The following KALRN variants were observed in gnomAD, a reference collection of about 807,000 sequenced individuals.
KALRN encodes the protein kalirin RhoGEF kinase.
In KALRN, 70 loss-of-function variants were observed where a neutral mutation model predicts 353.7. The ratio of observed to expected loss-of-function variants is 0.20; its 90% CI spans 0.16 to 0.24. KALRN has a LOEUF of 0.24. KALRN is among the 10% of genes least tolerant of loss of function. KALRN has a pLI of 1.00. For missense variants in KALRN, 2,791 were observed against 3,756.7 expected, an observed-to-expected ratio of 0.74 and a Z score of 6.72; for synonymous variants, 1,391 against 1,434.8, an observed-to-expected ratio of 0.97 and a Z score of 0.69.
rs2150225172 is a variant in KALRN at position 124,660,899 on chromosome 3, T to C, written c.6217-24T>C. On this transcript the variant is annotated intron_variant, in intron 43 of 59. Coordinates refer to ENST00000682506, the MANE Select transcript of KALRN (RefSeq NM_001388419.1). ...ACTAATTTTACCCCTTCCCACACTCTTGCCTGCTTCCCCTACTTGTTAGGA... is the reference window on the plus strand; with the variant it reads ...ACTAATTTTACCCCTTCCCACACTCCTGCCTGCTTCCCCTACTTGTTAGGA... 5 of 1,581,288 alleles carry C rather than the reference T, an allele frequency of 3.2e-6. No homozygotes were observed. The East Asian group carries it at 1.1e-4, about 35-fold the overall frequency.
At chr3:124,640,995 C>T (rs62265580) in intron 37 of KALRN, among the ~76,000 whole-genome samples, 25,640 of 152,106 alleles carry the variant, frequency 0.17, 2,573 homozygotes, top group Middle Eastern at 0.29. Context: ...AGCCGCGGCA[C>T]GGAATTCTGC....
At chr3:124,632,317 C>A in intron 34 of KALRN, 103 bp from the exon 35 acceptor site, 1 of 1,156,918 alleles carries the variant, frequency 8.6e-7, no homozygotes, top group Non-Finnish European at 1.3e-6. Context: ...CCTGGACATT[C>A]TGCCTTGTGT....
At chr3:124,304,778 A>T (rs894948802) in intron 6 of KALRN, among the ~76,000 whole-genome samples, 2 of 152,188 alleles carry the variant, frequency 1.3e-5, no homozygotes, top group African/African-American at 4.8e-5. Context: ...GAAAGCTTCA[A>T]CCAAGAACAC....
chr3:124,576,818 C>T (rs2074146992), intron 34 of KALRN, among the ~76,000 whole-genome samples: 1 of 152,176 alleles, frequency 6.6e-6, no homozygotes, highest in Non-Finnish European at 1.5e-5. Flanking sequence ...ACATAGTGGA[C>T]ACTTAGCAAT....
At chr3:124,454,658 A>G (rs6793326) in intron 21 of KALRN, among the ~76,000 whole-genome samples, 149,824 of 152,244 alleles carry the variant, frequency 0.98, 73,730 homozygotes, top group East Asian at 1. Context: ...TCAACCAACC[A>G]TGAACTGAAA....
rs1239547410 is a variant in KALRN, at chr3:124,434,609, A to T, written c.3048+84A>T. The stretch of plus-strand genomic sequence containing the variant: ...CTTGCAGTGTAAATGTGCAGTGCTT[A>T]TGTCAGCGAGAAGCCTGTCCTTTCA... On this transcript the variant is annotated intron_variant, in intron 17 of 59. Coordinates refer to ENST00000682506, the MANE Select transcript of KALRN (RefSeq NM_001388419.1). 5.7e-6 allele frequency: 7 copies of T among 1,228,490 alleles called. No individual in the cohort carries two copies. In the Admixed American group the frequency reaches 1.4e-4, roughly 24 times the overall value. The allele number at this position is 1,228,490 out of a possible 1,614,324, so 76.1% of individuals were successfully genotyped here.
chr3:124,478,492 G>A (rs1362197703), intron 27 of KALRN, among the ~76,000 whole-genome samples: 1 of 152,130 alleles, frequency 6.6e-6, no homozygotes, highest in African/African-American at 2.4e-5. Flanking sequence ...ACACTTGAAT[G>A]GAAGGAAGCC....
At chr3:124,509,529 A>C (rs530772309) in intron 33 of KALRN, among the ~76,000 whole-genome samples, 28 of 152,336 alleles carry the variant, frequency 1.8e-4, no homozygotes, top group African/African-American at 6.7e-4. Flanking sequence ...TTTAGGGTAC[A>C]GTTCACCATT....
At chr3:124,538,924 T>A (rs2068762034) in intron 33 of KALRN, among the ~76,000 whole-genome samples, 1 of 152,252 alleles carries the variant, frequency 6.6e-6, no homozygotes, top group Admixed American at 6.5e-5. Flanking sequence ...CCAAGATCAC[T>A]GTCCACATAG....
intron 25 of KALRN, among the ~76,000 whole-genome samples, chr3:124,465,876 T>C (rs1389352912): frequency 6.6e-6 from 1 of 152,176 alleles, no homozygotes; most frequent in Non-Finnish European, 1.5e-5. Context: ...GGGATTGAGA[T>C]TGACACGACC....
intron 33 of KALRN, among the ~76,000 whole-genome samples, chr3:124,513,181 G>GT (rs1461978682): frequency 6.6e-6 from 1 of 152,164 alleles, no homozygotes; most frequent in Non-Finnish European, 1.5e-5. Flanking sequence ...AATTCAGGGG[G>GT]TAGGGGGCTG....
intron 6 of KALRN, among the ~76,000 whole-genome samples, chr3:124,319,790 C>T (rs936971034): frequency 6.6e-6 from 1 of 151,834 alleles, no homozygotes; most frequent in Admixed American, 6.6e-5. Context: ...GTCAGGAGTT[C>T]GAGACCAGCC....
intron 1 of KALRN, among the ~76,000 whole-genome samples, chr3:124,073,570 G>A (rs2060121541): frequency 6.6e-6 from 1 of 152,088 alleles, no homozygotes; most frequent in Admixed American, 6.5e-5. Context: ...TTTAGACTGA[G>A]GAGAAAATAT....
chr3:124,147,643 G>A (rs182882962), intron 1 of KALRN, among the ~76,000 whole-genome samples: 37 of 152,320 alleles, frequency 2.4e-4, no homozygotes, highest in African/African-American at 7.5e-4. Flanking sequence ...CACAACTGTA[G>A]TACAATATCA....
At chr3:124,232,630 A>G (rs762094539) in intron 2 of KALRN, among the ~76,000 whole-genome samples, 4 of 151,884 alleles carry the variant, frequency 2.6e-5, no homozygotes, top group East Asian at 2.0e-4. Flanking sequence ...CCTTTTTTCT[A>G]TAATCTTCAA....
At chr3:124,398,934 T>G in intron 13 of KALRN, 63 bp downstream of exon 13, 1 of 1,515,016 alleles carries the variant, frequency 6.6e-7, no homozygotes. Context: ...CCAAGGGCAC[T>G]GCCCCAGGGG....
intron 1 of KALRN, among the ~76,000 whole-genome samples, chr3:124,185,789 A>G (rs2074148813): frequency 6.6e-6 from 1 of 152,126 alleles, no homozygotes. Flanking sequence ...GACCAAGGCC[A>G]CTCAAGGGTC....
At chr3:124,622,817 C>T (rs2079428491) in intron 34 of KALRN, among the ~76,000 whole-genome samples, 1 of 152,172 alleles carries the variant, frequency 6.6e-6, no homozygotes. Flanking sequence ...GTGGATGCAA[C>T]AATAAAGTAT....
At chr3:124,591,813 T>A (rs2075803733) in intron 34 of KALRN, among the ~76,000 whole-genome samples, 1 of 152,234 alleles carries the variant, frequency 6.6e-6, no homozygotes, top group African/African-American at 2.4e-5. Context: ...CAAAGCAATT[T>A]AATGGCCCTG....
Sources: gnomAD v4.1 joint callset for allele counts (sites outside exome capture counted in the v4.1 genomes callset) on GRCh38, gnomAD v4.1.1 for gene constraint, MANE v1.5 for transcripts, NCBI Gene and HGNC (gene_info 2026-07-23, HGNC 2026-07-21) for gene names.